The following TGFB2 variants were observed in gnomAD, a reference collection of about 807,000 sequenced individuals.
TGFB2 encodes the protein transforming growth factor beta-2 proprotein.
In TGFB2, 13 loss-of-function variants were observed where a neutral mutation model predicts 42.7. The ratio of observed to expected loss-of-function variants is 0.30; its 90% CI spans 0.20 to 0.48. The LOEUF (loss-of-function observed/expected upper bound fraction) is 0.48. Among genes scored for constraint, TGFB2 ranks in the 20% least tolerant of loss-of-function variants. The pLI, the probability that TGFB2 is intolerant of heterozygous loss-of-function variation, is 0.99. For synonymous variants in TGFB2, 193 were observed against 193.6 expected (o/e 1.00, Z 0.03); for missense variants, 390 against 517.5 (o/e 0.75, Z 2.39).
chr1:218,429,530 A>C (rs559574102), intron 2 of TGFB2, among the ~76,000 whole-genome samples: 1 of 152,236 alleles, frequency 6.6e-6, no homozygotes, highest in African/African-American at 2.4e-5. Context: ...CCTTTTGACT[A>C]TTGTGAGTAA....
chr1:218,346,056 GCACACACA>G lies in TGFB2; in HGVS notation c.-628_-621del, dbSNP rs151329324. ...GGGCTCGCCCCCAGCGCGCGCACAC[GCACACACA>G]CACACACACACACACACGCACGCAC... On this transcript the variant is annotated 5_prime_UTR_variant, in exon 1 of 7. Coordinates refer to ENST00000366930, the MANE Select transcript of TGFB2 (RefSeq NM_003238.6). This position sits in a 1 kb window ranked among gnomAD's most constrained non-coding sequence, Gnocchi z 4.9. 8.9e-5 allele frequency among the ~76,000 whole-genome samples: 13 copies of G among 145,604 alleles called. No individual in the cohort carries two copies. The highest frequency in any genetic ancestry group is 2.3e-4 in the South Asian group (1 of 4,392).
chr1:218,418,143 T>A (rs1456252788), intron 2 of TGFB2, among the ~76,000 whole-genome samples: 4 of 152,150 alleles, frequency 2.6e-5, no homozygotes, highest in Non-Finnish European at 4.4e-5. Flanking sequence ...ACCGTATGCC[T>A]GGAAAAATCA....
At chr1:218,382,216 G>A (rs925666809) in intron 1 of TGFB2, among the ~76,000 whole-genome samples, 5 of 152,208 alleles carry the variant, frequency 3.3e-5, no homozygotes, top group African/African-American at 4.8e-5. Context: ...TGTCTTCCAA[G>A]GAAGCTGGAA....
chr1:218,405,343 T>TTTGTTGTTGTTG lies in TGFB2; in HGVS notation c.510+32_510+43dup, dbSNP rs10482769. On this transcript the variant is annotated intron_variant, in intron 2 of 6. Transcript: ENST00000366930. ...ATTGAGCTATATCAGGTAATGTTCA[T>TTTGTTGTTGTTG]TTGTTGTTGTTGTTGTTGTTGTTGT... 5.4e-4 allele frequency: 814 copies of TTTGTTGTTGTTG among 1,507,398 alleles called. 5 individuals carry two copies. In the African/African-American group the frequency reaches 8.5e-3, roughly 16 times the overall value. 93.4% of individuals were successfully genotyped at this position (1,507,398 alleles called of 1,614,324 possible). A position where few individuals can be genotyped will look rare whatever the true frequency, so the allele number is the denominator to read the frequency against.
At chr1:218,379,164 A>G (rs548503475) in intron 1 of TGFB2, among the ~76,000 whole-genome samples, 115 of 134,374 alleles carry the variant, frequency 8.6e-4, no homozygotes, top group African/African-American at 2.9e-3. Context: ...ACGGAGTCTC[A>G]CTCTGTCACC....
At chr1:218,405,797 A>G (rs1018210810) in intron 2 of TGFB2, among the ~76,000 whole-genome samples, 1 of 152,146 alleles carries the variant, frequency 6.6e-6, no homozygotes, top group African/African-American at 2.4e-5. Flanking sequence ...CTCATTTACT[A>G]TTACTGTTCT....
At chr1:218,402,925 G>C (rs890253127) in intron 1 of TGFB2, among the ~76,000 whole-genome samples, 19 of 152,216 alleles carry the variant, frequency 1.2e-4, no homozygotes, top group Admixed American at 6.5e-5. Flanking sequence ...GGCTTCTCTG[G>C]TTGTCTGGCC....
chr1:218,347,902 A>G (rs1269725217), intron 1 of TGFB2, among the ~76,000 whole-genome samples: 4 of 149,134 alleles, frequency 2.7e-5, no homozygotes, highest in South Asian at 2.1e-4. Flanking sequence ...ACTTCAATGC[A>G]TTCCTAAAAC....
chr1:218,352,853 T>A (rs187685117), intron 1 of TGFB2, among the ~76,000 whole-genome samples: 1 of 152,278 alleles, frequency 6.6e-6, no homozygotes, highest in East Asian at 1.9e-4. Context: ...CTCTACTGAG[T>A]TTGTGGGAGA....
At chr1:218,364,945 T>A (rs147355344) in intron 1 of TGFB2, among the ~76,000 whole-genome samples, 75 of 152,292 alleles carry the variant, frequency 4.9e-4, no homozygotes, top group Admixed American at 2.4e-3. Context: ...AACATCTGAT[T>A]TTTTCCCCCT....
In TGFB2 at chr1:218,380,116, G is replaced by C. The variant is rs547756219; in HGVS notation, c.347-25053G>C. On this transcript the variant is annotated intron_variant, in intron 1 of 6. Coordinates refer to ENST00000366930, the MANE Select transcript of TGFB2 (RefSeq NM_003238.6). ...ATTAAATAACTTGCCCAAGCTGTGA[G>C]ATAGTAGAGCTGAGACATTTACCTA... is the stretch of plus-strand genomic sequence containing the variant. Among the ~76,000 whole-genome samples, 6 of 152,324 alleles carry C rather than the reference G, an allele frequency of 3.9e-5. No homozygotes were observed. In the South Asian group the frequency reaches 1.2e-3, roughly 32 times the overall value.
chr1:218,428,913 A>T (rs935576718), intron 2 of TGFB2, among the ~76,000 whole-genome samples: 1 of 151,850 alleles, frequency 6.6e-6, no homozygotes, highest in African/African-American at 2.4e-5. Context: ...CTGAATCTAT[A>T]AATTACCTTG....
chr1:218,400,293 T>C (rs1178742355), intron 1 of TGFB2, among the ~76,000 whole-genome samples: 1 of 152,164 alleles, frequency 6.6e-6, no homozygotes, highest in African/African-American at 2.4e-5. Context: ...GGTCTCCCTC[T>C]CTCTGTCTCT....
chr1:218,413,829 A>G (rs1659182966), intron 2 of TGFB2, among the ~76,000 whole-genome samples: 2 of 152,240 alleles, frequency 1.3e-5, no homozygotes, highest in Non-Finnish European at 2.9e-5. Flanking sequence ...TGTCATTTCT[A>G]GAGGCTATCG....
intron 2 of TGFB2, among the ~76,000 whole-genome samples, chr1:218,409,361 A>G (rs978428444): frequency 2.0e-5 from 3 of 152,166 alleles, no homozygotes; most frequent in Non-Finnish European, 2.9e-5. Flanking sequence ...TACCCTGTTT[A>G]TAGTTAACCC....
intron 1 of TGFB2, among the ~76,000 whole-genome samples, chr1:218,394,775 G>A (rs927029189): frequency 2.6e-5 from 4 of 152,154 alleles, no homozygotes; most frequent in Admixed American, 6.5e-5. Context: ...TGACTTGAAC[G>A]TCAGCAGTGT....
At chr1:218,347,985 A>G (rs1370845058) in intron 1 of TGFB2, among the ~76,000 whole-genome samples, 1 of 150,740 alleles carries the variant, frequency 6.6e-6, no homozygotes, top group African/African-American at 2.5e-5. Context: ...CCTCAAAACC[A>G]GCTGGCATAC....
intron 2 of TGFB2, among the ~76,000 whole-genome samples, chr1:218,420,269 A>G (rs1160813800): frequency 2.0e-5 from 3 of 152,226 alleles, no homozygotes; most frequent in African/African-American, 7.2e-5. Context: ...TAAGAAAAAG[A>G]CAGTACAGTC....
At chr1:218,416,294 T>C (rs1287321389) in intron 2 of TGFB2, among the ~76,000 whole-genome samples, 4 of 150,870 alleles carry the variant, frequency 2.7e-5, no homozygotes, top group Admixed American at 6.6e-5. Flanking sequence ...TAAGGTTCCT[T>C]TTTTTTTTCA....
Sources: gnomAD v4.1 joint callset for allele counts (sites outside exome capture counted in the v4.1 genomes callset) on GRCh38, gnomAD v4.1.1 for gene constraint, Gnocchi (gnomAD v3.1) non-coding constraint, MANE v1.5 for transcripts, NCBI Gene and HGNC (gene_info 2026-07-23, HGNC 2026-07-21) for gene names.